Variants in ZC3H12B observed in about 807,000 individuals in gnomAD.
The protein encoded by ZC3H12B is probable ribonuclease ZC3H12B.
A neutral mutation model predicts 43.9 loss-of-function variants in ZC3H12B; 7 were observed. That is an observed-to-expected ratio of 0.16 (90% CI 0.09 to 0.30). The LOEUF is 0.30. Among genes scored for constraint, ZC3H12B ranks in the 10% least tolerant of loss-of-function variants. The pLI, the probability that ZC3H12B is intolerant of heterozygous loss-of-function variation, is 1.00. For synonymous variants in ZC3H12B, 222 were observed against 241.7 expected (o/e 0.92, Z 0.76); for missense variants, 475 against 670.2 (o/e 0.71, Z 3.22).
chrX:65,381,663 G>T (rs2066441955), intron 2 of ZC3H12B, among the ~76,000 whole-genome samples: 1 of 111,753 alleles, frequency 8.9e-6, no homozygotes, highest in Admixed American at 9.5e-5. Context: ...ATGAATCCAG[G>T]AGCTGGTTTT....
the ZC3H12B span, among the ~76,000 whole-genome samples, chrX:65,079,958 A>G: frequency 1.8e-5 from 2 of 111,512 alleles, no homozygotes; most frequent in Non-Finnish European, 3.8e-5. Flanking sequence ...TGTTGAGGAA[A>G]CTTAGAGAAA....
At chrX:65,153,634 A>G in the ZC3H12B span, among the ~76,000 whole-genome samples, 1 of 112,157 alleles carries the variant, frequency 8.9e-6, no homozygotes, top group African/African-American at 3.2e-5. Context: ...TGTTGGTGGG[A>G]CTGTAAACTA....
chrX:65,158,236 T>G, the ZC3H12B span, among the ~76,000 whole-genome samples: 7 of 110,408 alleles, frequency 6.3e-5, no homozygotes, highest in Non-Finnish European at 1.3e-4. Flanking sequence ...TAAACATACG[T>G]GTGTATGTGT....
chrX:65,365,594 A>C (rs930593388), upstream of ZC3H12B, among the ~76,000 whole-genome samples: 1 of 110,203 alleles, frequency 9.1e-6, no homozygotes, highest in Non-Finnish European at 1.9e-5. Context: ...CATCCCCCAA[A>C]ATTTTTGCCA....
chrX:65,425,647 T>A (rs966584532), intron 3 of ZC3H12B, among the ~76,000 whole-genome samples: 5 of 111,533 alleles, frequency 4.5e-5, no homozygotes, highest in Non-Finnish European at 9.4e-5. Context: ...CAATACCTAG[T>A]TTATTGAGAG....
rs773770203 is a variant in ZC3H12B, at chrX:65,455,353, G to A, written n.408-33293G>A. Among the ~76,000 whole-genome samples, 180 of 112,192 alleles carry A rather than the reference G, an allele frequency of 1.6e-3. 2 individuals are homozygous for A. The highest frequency in any genetic ancestry group is 5.5e-3 in the African/African-American group (171 of 30,894). On this transcript the variant is annotated intron_variant and non_coding_transcript_variant, in intron 3 of 5. Coordinates refer to the ZC3H12B transcript ENST00000617377. Reference sequence around the variant, plus strand: ...ATGCATAAGCCTCAGTAGCTGATTCGATCAACTGGAAGAAAGGGTATCAGT... The same window carrying A: ...ATGCATAAGCCTCAGTAGCTGATTCAATCAACTGGAAGAAAGGGTATCAGT...
At chrX:65,424,943 T>C (rs2067062737) in intron 3 of ZC3H12B, among the ~76,000 whole-genome samples, 1 of 111,916 alleles carries the variant, frequency 8.9e-6, no homozygotes, top group African/African-American at 3.3e-5. Context: ...GTCTTGTTTT[T>C]TTGGGCTCTA....
the ZC3H12B span, among the ~76,000 whole-genome samples, chrX:65,248,235 G>T: frequency 9.0e-6 from 1 of 110,698 alleles, no homozygotes; most frequent in Non-Finnish European, 1.9e-5. Context: ...ATGGGGTTTG[G>T]CCATGTTGTC....
the ZC3H12B span, among the ~76,000 whole-genome samples, chrX:65,162,462 A>G: frequency 9.0e-6 from 1 of 111,241 alleles, no homozygotes; most frequent in Non-Finnish European, 1.9e-5. Context: ...GGCTTTGTTC[A>G]TTGCTTTTTA....
chrX:65,074,755 G>C, the ZC3H12B span, among the ~76,000 whole-genome samples: 1 of 111,633 alleles, frequency 9.0e-6, no homozygotes, highest in African/African-American at 3.3e-5. Flanking sequence ...TATTGAAACT[G>C]TCTAGTGAAT....
At position 65,489,418 on chromosome X, in the gene ZC3H12B, G is replaced by C; in HGVS notation, c.608+9G>C. 8.6e-7 allele frequency: 1 copy of C among 1,162,284 alleles called. No individual in the cohort carries two copies. The highest frequency in any genetic ancestry group is 3.0e-5 in the East Asian group (1 of 33,304). On this transcript the variant is annotated intron_variant, in intron 1 of 4. Coordinates refer to ENST00000338957, the Ensembl canonical transcript of ZC3H12B. ...AGTAATGTGGCAATGAGGTAAGCCT[G>C]GTATGTTTTTTTCTCCCATTTTAAA...
intron 3 of ZC3H12B, among the ~76,000 whole-genome samples, chrX:65,454,438 G>T (rs1310742337): frequency 8.9e-6 from 1 of 112,106 alleles, no homozygotes; most frequent in African/African-American, 3.2e-5. Context: ...GGGGAGGGGC[G>T]CCCACCATTG....
chrX:65,051,236 CTCTTT>C, the ZC3H12B span, among the ~76,000 whole-genome samples: 1 of 111,251 alleles, frequency 9.0e-6, no homozygotes, highest in East Asian at 2.8e-4. Flanking sequence ...TTTGAGTCTT[CTCTTT>C]TCTTATGCTA....
At chrX:65,223,009 A>T in the ZC3H12B span, among the ~76,000 whole-genome samples, 1 of 112,020 alleles carries the variant, frequency 8.9e-6, no homozygotes, top group Non-Finnish European at 1.9e-5. Flanking sequence ...TAGTCACCAA[A>T]ACAGCATGGT....
chrX:65,389,933 T>C (rs1175246829), intron 2 of ZC3H12B, among the ~76,000 whole-genome samples: 1 of 112,241 alleles, frequency 8.9e-6, no homozygotes, highest in Non-Finnish European at 1.9e-5. Context: ...TTATAAATCA[T>C]GCTGCTATAA....
chrX:65,226,171 G>T, the ZC3H12B span, among the ~76,000 whole-genome samples: 1 of 112,008 alleles, frequency 8.9e-6, no homozygotes, highest in Non-Finnish European at 1.9e-5. Context: ...ACTAAGAGGA[G>T]ATCTCTCGGC....
the ZC3H12B span, among the ~76,000 whole-genome samples, chrX:65,099,537 A>G: frequency 8.9e-6 from 1 of 111,832 alleles, no homozygotes; most frequent in African/African-American, 3.3e-5. Flanking sequence ...AGGAGTAGGC[A>G]GCAGTCTTTG....
intron 3 of ZC3H12B, among the ~76,000 whole-genome samples, chrX:65,472,974 G>A (rs868271309): frequency 6.2e-4 from 48 of 77,444 alleles, no homozygotes; most frequent in African/African-American, 3.9e-3. Flanking sequence ...GTGTATGTGT[G>A]TGTATATATA....
At chrX:65,099,902 A>G in the ZC3H12B span, among the ~76,000 whole-genome samples, 5 of 111,959 alleles carry the variant, frequency 4.5e-5, no homozygotes, top group South Asian at 1.9e-3. Flanking sequence ...TGACAGAAGT[A>G]GGCTTCAGAA....
Sources: allele counts gnomAD v4.1 joint callset (sites outside exome capture counted in the v4.1 genomes callset), GRCh38; gene constraint gnomAD v4.1.1; transcripts MANE v1.5; gene names NCBI Gene and HGNC (gene_info 2026-07-23, HGNC 2026-07-21).